EGFLAM: variants seen among roughly 807,000 people sequenced by gnomAD.
EGFLAM encodes EGF like, fibronectin type III and laminin G domains.
EGFLAM carries 79 observed loss-of-function variants against 113.1 expected under a neutral mutation model. The ratio of observed to expected loss-of-function variants is 0.70; its 90% CI spans 0.58 to 0.84. The LOEUF (loss-of-function observed/expected upper bound fraction) is 0.84. Among genes scored for constraint, EGFLAM ranks in the 40% least tolerant of loss-of-function variants. The pLI, the probability that EGFLAM is intolerant of heterozygous loss-of-function variation, is 0.00. For missense variants in EGFLAM, 1,265 were observed against 1,291.6 expected (o/e 0.98, Z 0.32); for synonymous variants, 504 against 487.6 (o/e 1.03, Z -0.44).
intron 20 of EGFLAM, chr5:38,461,426 A>G (rs1743268028): frequency 6.6e-6 from 1 of 152,262 alleles, no homozygotes; most frequent in African/African-American, 2.4e-5. Context: ...TATAAGGTAT[A>G]TCTTCATTTT....
chr5:38,456,920 G>C (rs1381455484), intron 19 of EGFLAM, among the ~76,000 whole-genome samples: 1 of 152,214 alleles, frequency 6.6e-6, no homozygotes, highest in East Asian at 1.9e-4. Flanking sequence ...AGTTGGCCCA[G>C]TGCCCGGGCT....
chr5:38,273,118 A>G (rs1053932695), intron 1 of EGFLAM, among the ~76,000 whole-genome samples: 2 of 152,218 alleles, frequency 1.3e-5, no homozygotes, highest in African/African-American at 4.8e-5. Context: ...TAGGAAGGAT[A>G]GTTATACATT....
chr5:38,396,654 C>T (rs1012833278), intron 6 of EGFLAM, among the ~76,000 whole-genome samples: 4 of 152,198 alleles, frequency 2.6e-5, no homozygotes, highest in African/African-American at 7.2e-5. Flanking sequence ...TTTTACACTG[C>T]GCACCCCACC....
At position 38,350,602 on chromosome 5, in the gene EGFLAM, C is replaced by G. The variant is rs148290116; in HGVS notation, c.393C>G (p.Val131=). 1.7e-3 allele frequency: 2,709 copies of G among 1,613,998 alleles called. 5 individuals are homozygous for G. Among genetic ancestry groups the G allele is most frequent in the South Asian group, 1.9e-3 (177 of 91,018 alleles). ...GKGRLSSPRH[V]TTLSQDSCLP... ...GGCGGCTGAGCTCTCCTCGGCATGTCACCACTTTGTCCCAAGGTAAAGTAG... is the reference window on the plus strand; with the variant it reads ...GGCGGCTGAGCTCTCCTCGGCATGTGACCACTTTGTCCCAAGGTAAAGTAG... The change falls in exon 4 of 22, where the codon GTC becomes GTG. Residue 131 remains valine (V), a synonymous_variant. Coordinates refer to ENST00000322350, the MANE Select transcript of EGFLAM (RefSeq NM_152403.4).
chr5:38,258,562 C>T lies in EGFLAM; in HGVS notation c.-193C>T, dbSNP rs1156283057. ...CCTGCAGCTTGCAGCCGGCTTCACT[C>T]GCGCACGCCGACCTCCCGGCTGCAG... On this transcript the variant is annotated 5_prime_UTR_variant, in exon 1 of 22. Coordinates refer to ENST00000322350, the MANE Select transcript of EGFLAM (RefSeq NM_152403.4). The T allele has an allele frequency of 6.4e-6, 4 of 621,426 alleles. No homozygotes were observed. Among genetic ancestry groups the T allele is most frequent in the African/African-American group, 1.9e-5 (1 of 51,524 alleles). The allele number at this position is 621,426 out of a possible 1,614,324, so 38.5% of individuals were successfully genotyped here. A position where few individuals can be genotyped will look rare whatever the true frequency, so the allele number is the denominator to read the frequency against.
chr5:38,435,176 A>G lies in EGFLAM; in HGVS notation c.2206A>G (p.Ile736Val), dbSNP rs1381281509. 2 of 1,614,188 alleles carry G rather than the reference A, an allele frequency of 1.2e-6. No individual in the cohort carries two copies. The highest frequency in any genetic ancestry group is 1.1e-5 in the South Asian group (1 of 91,086). Residue 736 changes from isoleucine (I) to valine (V), a missense_variant, in exon 16 of 22, where the codon ATT becomes GTT. Physicochemically the swap from Ile to Val is conservative, Grantham distance 29. Coordinates refer to ENST00000322350, the MANE Select transcript of EGFLAM (RefSeq NM_152403.4). Reference protein sequence around the residue: ...TQIKCNTDIFIGGVPNYDDVK... With the variant: ...TQIKCNTDIFVGGVPNYDDVK... ...GATTAAGTGCAACACAGACATTTTCATTGGCGGAGTCCCCAATTATGATGA... is the reference window on the plus strand; with the variant it reads ...GATTAAGTGCAACACAGACATTTTCGTTGGCGGAGTCCCCAATTATGATGA...
intron 13 of EGFLAM, 102 bp from the exon 14 acceptor site, chr5:38,426,907 T>C: frequency 6.7e-7 from 1 of 1,501,870 alleles, no homozygotes; most frequent in Non-Finnish European, 8.9e-7. Context: ...CTGGGAATTG[T>C]AGTTTAGGTC....
At chr5:38,287,044 A>G (rs1056532208) in intron 1 of EGFLAM, among the ~76,000 whole-genome samples, 4 of 152,246 alleles carry the variant, frequency 2.6e-5, no homozygotes, top group African/African-American at 9.6e-5. Flanking sequence ...ACAGATTATG[A>G]TAACAATAGC....
chr5:38,398,565 A>G (rs1439889882), intron 6 of EGFLAM, among the ~76,000 whole-genome samples: 2 of 152,226 alleles, frequency 1.3e-5, no homozygotes, highest in Non-Finnish European at 2.9e-5. Context: ...GCAGTGAGGG[A>G]TAAGATTTCT....
chr5:38,451,848 C>T (rs757975908), intron 19 of EGFLAM, among the ~76,000 whole-genome samples: 3 of 151,856 alleles, frequency 2.0e-5, no homozygotes, highest in African/African-American at 7.2e-5. Flanking sequence ...AAAAATTAGC[C>T]GGGTGTGGTG....
intron 6 of EGFLAM, among the ~76,000 whole-genome samples, chr5:38,374,643 A>G (rs775768626): frequency 1.1e-4 from 16 of 152,214 alleles, no homozygotes; most frequent in Non-Finnish European, 1.8e-4. Flanking sequence ...CAGAGGCTGC[A>G]TGATTCCTAA....
chr5:38,418,334 G>A lies in EGFLAM; in HGVS notation c.1684+79G>A, dbSNP rs574267827. On this transcript the variant is annotated intron_variant, in intron 12 of 21. Transcript: ENST00000322350. ...GACTGCCTTTCTGGCTTGGGCCATG[G>A]AGGGAGCAGCAACATTAGGTGCTAC... 2.0e-6 allele frequency: 3 copies of A among 1,522,374 alleles called. No individual in the cohort carries two copies. The East Asian group carries it at 7.1e-5, about 36-fold the overall frequency. The allele number at this position is 1,522,374 out of a possible 1,614,324, so 94.3% of individuals were successfully genotyped here.
Position 38,464,238 on chromosome 5 carries a change from G to A in EGFLAM, c.*252G>A. On this transcript the variant is annotated 3_prime_UTR_variant, in exon 22 of 22. Coordinates refer to ENST00000322350, the MANE Select transcript of EGFLAM (RefSeq NM_152403.4). ...GCATCGGACTTTGTCCATTGAATAT[G>A]TAGCGGCTGCCAGAGATCACACATC... The A allele has an allele frequency of 2.1e-6, 1 of 479,374 alleles. No individual in the cohort carries two copies. The highest frequency in any genetic ancestry group is 3.3e-5 in the East Asian group (1 of 30,210). 29.7% of individuals were successfully genotyped at this position (479,374 alleles called of 1,614,324 possible). A position where few individuals can be genotyped will look rare whatever the true frequency, so the allele number is the denominator to read the frequency against.
At chr5:38,391,737 A>T (rs1740817018) in intron 6 of EGFLAM, among the ~76,000 whole-genome samples, 1 of 152,010 alleles carries the variant, frequency 6.6e-6, no homozygotes, top group African/African-American at 2.4e-5. Context: ...TGAAGTCATG[A>T]TATCTGGTAG....
chr5:38,369,525 G>C (rs1018187408), intron 5 of EGFLAM, among the ~76,000 whole-genome samples: 1 of 152,190 alleles, frequency 6.6e-6, no homozygotes, highest in African/African-American at 2.4e-5. Context: ...TTGATGCCAG[G>C]TACTAGGCTG....
At chr5:38,347,556 T>G (rs921598988) in intron 3 of EGFLAM, among the ~76,000 whole-genome samples, 2 of 151,844 alleles carry the variant, frequency 1.3e-5, no homozygotes, top group South Asian at 2.1e-4. Flanking sequence ...TGAGTAGGGG[T>G]GAGCCAGGCA....
At chr5:38,351,592 A>G (rs558966974) in intron 4 of EGFLAM, among the ~76,000 whole-genome samples, 1 of 152,314 alleles carries the variant, frequency 6.6e-6, no homozygotes, top group South Asian at 2.1e-4. Context: ...AGTGTGAACA[A>G]AGGCTGGGAG....
intron 1 of EGFLAM, among the ~76,000 whole-genome samples, chr5:38,265,606 C>A (rs1757613554): frequency 6.6e-6 from 1 of 152,156 alleles, no homozygotes; most frequent in South Asian, 2.1e-4. Context: ...GATTGTGGAC[C>A]TCGCCTTCGA....
chr5:38,294,118 G>T (rs1229084594), intron 1 of EGFLAM, among the ~76,000 whole-genome samples: 1 of 152,136 alleles, frequency 6.6e-6, no homozygotes, highest in Non-Finnish European at 1.5e-5. Context: ...ACTCAACAAG[G>T]CAGTGGTGTT....
Sources: allele counts gnomAD v4.1 joint callset (sites outside exome capture counted in the v4.1 genomes callset), GRCh38; gene constraint gnomAD v4.1.1; transcripts MANE v1.5; gene names NCBI Gene and HGNC (gene_info 2026-07-23, HGNC 2026-07-21).